Variants in PPARA observed in about 807,000 individuals in gnomAD.
PPARA encodes the protein peroxisome proliferator activated receptor alpha.
In PPARA, 22 loss-of-function variants were observed where a neutral mutation model predicts 42.2. The ratio of observed to expected loss-of-function variants is 0.52; its 90% confidence interval spans 0.37 to 0.74. The LOEUF (loss-of-function observed/expected upper bound fraction) is 0.74. PPARA is among the 30% of genes least tolerant of loss of function. The pLI, the probability that PPARA is intolerant of heterozygous loss-of-function variation, is 0.00. For missense variants in PPARA, 465 were observed against 608.2 expected, an observed-to-expected ratio of 0.76 and a Z score of 2.48; for synonymous variants, 242 against 239.3, an observed-to-expected ratio of 1.01 and a Z score of -0.10.
chr22:46,206,164 C>T (rs1275375816), intron 4 of PPARA, among the ~76,000 whole-genome samples: 1 of 152,098 alleles, frequency 6.6e-6, no homozygotes, highest in African/African-American at 2.4e-5. Context: ...TGCAATGGCG[C>T]TATCTCGGCT....
At position 46,200,348 on chromosome 22, in the gene PPARA, G is replaced by A. The variant is rs550002605; in HGVS notation, c.208+1757G>A. ...AGAGTACACTTAAACCCAGATGGTAGAGCCTGCTGCACACCGAGGCTCTGC... is the reference window on the plus strand; with the variant it reads ...AGAGTACACTTAAACCCAGATGGTAAAGCCTGCTGCACACCGAGGCTCTGC... On this transcript the variant is annotated intron_variant, in intron 4 of 8. Transcript: ENST00000407236. The surrounding 1 kb of genome is among the most constrained non-coding windows in gnomAD (Gnocchi z 4.8). Among the ~76,000 whole-genome samples, 43 of 152,364 alleles carry A rather than the reference G, an allele frequency of 2.8e-4. No individual in the cohort carries two copies. The highest frequency in any genetic ancestry group is 1.0e-3 in the African/African-American group (42 of 41,592).
chr22:46,210,955 C>G (rs1041323320), intron 4 of PPARA, among the ~76,000 whole-genome samples: 2 of 152,100 alleles, frequency 1.3e-5, no homozygotes, highest in African/African-American at 4.8e-5. Context: ...GAGGCAAAAC[C>G]ACTTTGAGCT....
rs1236704295 is a variant in PPARA, at chr22:46,231,182, G to A, written c.712-610G>A. Among the ~76,000 whole-genome samples the A allele has an allele frequency of 2.0e-5, 3 of 151,600 alleles. No individual in the cohort carries two copies. The highest frequency in any genetic ancestry group is 2.9e-5 in the Non-Finnish European group (2 of 67,956). ...AGCGATTCTCCTGCCTCAGCCTCCC[G>A]AGTAGCTGGGGTTACAGGCACACAC... is the stretch of plus-strand genomic sequence containing the variant. On this transcript the variant is annotated intron_variant, in intron 7 of 8. Transcript: ENST00000407236. This position sits in a 1 kb window ranked among gnomAD's most constrained non-coding sequence, Gnocchi z 7.7.
rs1280393400 is a variant in PPARA at position 46,224,769 on chromosome 22, A to G, written c.711+4755A>G. 2.0e-5 allele frequency among the ~76,000 whole-genome samples: 3 copies of G among 152,178 alleles called. No individual in the cohort carries two copies. The highest frequency in any genetic ancestry group is 2.0e-4 in the Admixed American group (3 of 15,288). The stretch of plus-strand genomic sequence containing the variant: ...TGCAGGGGCTGCTGGGGTGAAAGCA[A>G]CCCTGAAATGTTCAAAGCCTTGATG... On this transcript the variant is annotated intron_variant, in intron 7 of 8. Coordinates refer to ENST00000407236, the MANE Select transcript of PPARA (RefSeq NM_005036.6). The surrounding 1 kb of genome is among the most constrained non-coding windows in gnomAD (Gnocchi z 5.7).
At chr22:46,199,610 C>T (rs931793537) in intron 4 of PPARA, among the ~76,000 whole-genome samples, 1 of 152,164 alleles carries the variant, frequency 6.6e-6, no homozygotes, top group Non-Finnish European at 1.5e-5. Flanking sequence ...CCACTGCACT[C>T]CAGCCTGGGT....
At chr22:46,166,502 C>G (rs765099645) in intron 2 of PPARA, among the ~76,000 whole-genome samples, 9 of 151,898 alleles carry the variant, frequency 5.9e-5, no homozygotes, top group Non-Finnish European at 1.2e-4. Context: ...CCTGTAATCC[C>G]AGTTACTGGG....
At chr22:46,176,240 C>G (rs1416232794) in intron 2 of PPARA, 3 of 152,196 alleles carry the variant, frequency 2.0e-5, no homozygotes, top group Non-Finnish European at 4.4e-5. Flanking sequence ...AATCTCAGCA[C>G]TTTGGGAGGC....
chr22:46,212,241 A>G lies in PPARA; in HGVS notation c.209-2932A>G, dbSNP rs1601762999. Among the ~76,000 whole-genome samples, 1 of 151,720 alleles carries G rather than the reference A, an allele frequency of 6.6e-6. No homozygotes were observed. Among genetic ancestry groups the G allele is most frequent in the East Asian group, 2.0e-4 (1 of 5,116 alleles). ...CCAGCAAATTTTTGTATTTTTTGTA[A>G]AGATAGGGTTTCACCATGTTGCCCA... On this transcript the variant is annotated intron_variant, in intron 4 of 8. Transcript: ENST00000407236. The surrounding 1 kb of genome is among the most constrained non-coding windows in gnomAD (Gnocchi z 4.2).
chr22:46,240,347 C>T lies in PPARA; in HGVS notation c.*4967C>T. 1 of 397,582 alleles carries T rather than the reference C, an allele frequency of 2.5e-6. No homozygotes were observed. Among genetic ancestry groups the T allele is most frequent in the South Asian group, 1.3e-4 (1 of 7,592 alleles). 24.6% of individuals were successfully genotyped at this position (397,582 alleles called of 1,614,324 possible). A position where few individuals can be genotyped will look rare whatever the true frequency, so the allele number is the denominator to read the frequency against. ...TAGCCGCTGGTCCCCAGGCACGGTGCACTTTCTCCACCTCCTGCAGCCTCC... is the reference window on the plus strand; with the variant it reads ...TAGCCGCTGGTCCCCAGGCACGGTGTACTTTCTCCACCTCCTGCAGCCTCC... On this transcript the variant is annotated 3_prime_UTR_variant, in exon 9 of 9. Transcript: ENST00000407236. This position sits in a 1 kb window ranked among gnomAD's most constrained non-coding sequence, Gnocchi z 6.0.
chr22:46,193,376 A>G lies in PPARA; in HGVS notation c.-42-4966A>G, dbSNP rs1931817750. Among the ~76,000 whole-genome samples the G allele has an allele frequency of 6.6e-6, 1 of 152,116 alleles. No homozygotes were observed. The highest frequency in any genetic ancestry group is 1.5e-5 in the Non-Finnish European group (1 of 68,006). On this transcript the variant is annotated intron_variant, in intron 3 of 8. Coordinates refer to ENST00000407236, the MANE Select transcript of PPARA (RefSeq NM_005036.6). This position sits in a 1 kb window ranked among gnomAD's most constrained non-coding sequence, Gnocchi z 5.3. ...CCACCGCACCTGGCCACTGTTTGAT[A>G]GCATAATAGGGCGACTATAGTCAAT...
Position 46,227,855 on chromosome 22 carries a change from A to G in PPARA, c.712-3937A>G, listed in dbSNP as rs1166560647. ...TCCAAAGTTAAATATAAGCTGCTGCATAGATTTTTTTGTAAAATGATCTCA... is the reference window on the plus strand; with the variant it reads ...TCCAAAGTTAAATATAAGCTGCTGCGTAGATTTTTTTGTAAAATGATCTCA... On this transcript the variant is annotated intron_variant, in intron 7 of 8. Transcript: ENST00000407236. This position sits in a 1 kb window ranked among gnomAD's most constrained non-coding sequence, Gnocchi z 4.3. 6.6e-6 allele frequency among the ~76,000 whole-genome samples: 1 copy of G among 152,230 alleles called. No individual in the cohort carries two copies. The highest frequency in any genetic ancestry group is 1.5e-5 in the Non-Finnish European group (1 of 68,042).
chr22:46,170,816 C>A (rs1052581085), intron 2 of PPARA, among the ~76,000 whole-genome samples: 1 of 151,546 alleles, frequency 6.6e-6, no homozygotes, highest in Non-Finnish European at 1.5e-5. Flanking sequence ...CTGTACTGCC[C>A]CCCAAATGTG....
Position 46,228,253 on chromosome 22 carries a change from C to G in PPARA, c.712-3539C>G, listed in dbSNP as rs1381945652. ...ATAATCATCTTTGAACAAGGGGTCC[C>G]GCAGTGTGTGGTGGCTCACGCCTGT... On this transcript the variant is annotated intron_variant, in intron 7 of 8. Transcript: ENST00000407236. Among the ~76,000 whole-genome samples, 4 of 152,172 alleles carry G rather than the reference C, an allele frequency of 2.6e-5. 1 individual carries two copies. Among genetic ancestry groups the G allele is most frequent in the South Asian group, 4.1e-4 (2 of 4,826 alleles).
At position 46,215,245 on chromosome 22, in the gene PPARA, C is replaced by T; in HGVS notation, c.281C>T (p.Pro94Leu). The T allele has an allele frequency of 3.1e-6, 5 of 1,614,090 alleles. No individual in the cohort carries two copies. The highest frequency in any genetic ancestry group is 2.5e-6 in the Non-Finnish European group (3 of 1,180,020). ...PVVPGSVDES[P>L]SGALNIECRI... ...GTCCCCGGCAGCGTGGACGAGTCTC[C>T]CAGTGGAGCATTGAACATCGAATGT... Residue 94 changes from proline (P) to leucine (L), a missense_variant, in exon 5 of 9, where the codon CCC becomes CTC. Pro to Leu is a moderately conservative substitution (Grantham distance 98). Coordinates refer to ENST00000407236, the MANE Select transcript of PPARA (RefSeq NM_005036.6).
rs552825699 is a variant in PPARA, at chr22:46,180,915, G to A, written c.-43+4079G>A. ...GGTGCCAATGGGAGGACTTTAGCCC[G>A]GAAAGGAGATTGGCTCTCCTGCATC... On this transcript the variant is annotated intron_variant, in intron 3 of 8. Transcript: ENST00000407236. The surrounding 1 kb of genome is among the most constrained non-coding windows in gnomAD (Gnocchi z 4.2). Among the ~76,000 whole-genome samples, 16 of 152,268 alleles carry A rather than the reference G, an allele frequency of 1.1e-4. No homozygotes were observed. The highest frequency in any genetic ancestry group is 3.1e-4 in the African/African-American group (13 of 41,558).
Position 46,231,462 on chromosome 22 carries a change from C to A in PPARA, c.712-330C>A, listed in dbSNP as rs1935866071. Among the ~76,000 whole-genome samples, 2 of 152,092 alleles carry A rather than the reference C, an allele frequency of 1.3e-5. No individual in the cohort carries two copies. The highest frequency in any genetic ancestry group is 4.1e-4 in the South Asian group (2 of 4,824). On this transcript the variant is annotated intron_variant, in intron 7 of 8. Coordinates refer to ENST00000407236, the MANE Select transcript of PPARA (RefSeq NM_005036.6). The surrounding 1 kb of genome is among the most constrained non-coding windows in gnomAD (Gnocchi z 7.7). ...TCTCGAACTCTTGACCTCAGGTAAA[C>A]CACCCACCTCAGCCTCCCAAAGTTC...
intron 3 of PPARA, among the ~76,000 whole-genome samples, chr22:46,185,966 C>CAT (rs1411572528): frequency 1.8e-3 from 41 of 22,424 alleles, no homozygotes; most frequent in Non-Finnish European, 3.5e-3. Flanking sequence ...TATATATATA[C>CAT]ACACACACTA....
Position 46,219,280 on chromosome 22 carries a change from G to A in PPARA, c.509-532G>A, listed in dbSNP as rs926003281. 6.6e-6 allele frequency among the ~76,000 whole-genome samples: 1 copy of A among 152,174 alleles called. No homozygotes were observed. Among genetic ancestry groups the A allele is most frequent in the African/African-American group, 2.4e-5 (1 of 41,444 alleles). On this transcript the variant is annotated intron_variant, in intron 6 of 8. Transcript: ENST00000407236. The surrounding 1 kb of genome is among the most constrained non-coding windows in gnomAD (Gnocchi z 4.8). Reference sequence around the variant, plus strand: ...TACAGAATCGAAAAACCAAGTGGAAGGCACCAAAATGACAGAATGTTCACC... The same window carrying A: ...TACAGAATCGAAAAACCAAGTGGAAAGCACCAAAATGACAGAATGTTCACC...
chr22:46,213,908 G>A (rs1487839099), intron 4 of PPARA, among the ~76,000 whole-genome samples: 1 of 152,168 alleles, frequency 6.6e-6, no homozygotes, highest in African/African-American at 2.4e-5. Flanking sequence ...CAATTGAGTT[G>A]TTTGTTTTAA....
Sources: gnomAD v4.1 joint callset for allele counts (sites outside exome capture counted in the v4.1 genomes callset) on GRCh38, gnomAD v4.1.1 for gene constraint, Gnocchi (gnomAD v3.1) non-coding constraint, MANE v1.5 for transcripts, NCBI Gene and HGNC (gene_info 2026-07-23, HGNC 2026-07-21) for gene names.